The following TACR1 variants were observed in gnomAD, a reference collection of about 807,000 sequenced individuals.
TACR1 encodes substance-P receptor.
Under a neutral mutation model 35.8 loss-of-function variants are expected in TACR1, and 25 were observed. That is an observed-to-expected ratio of 0.70 (90% CI 0.51 to 0.98). The LOEUF is 0.98. Ranked by LOEUF, TACR1 falls within the 50% of genes least tolerant of loss-of-function variation. The pLI, the probability that TACR1 is intolerant of heterozygous loss-of-function variation, is 0.00. For missense variants in TACR1, 478 were observed against 522.9 expected (o/e 0.91, Z 0.84); for synonymous variants, 195 against 206.7 (o/e 0.94, Z 0.48).
At chr2:75,080,336 G>A (rs779962475) in intron 2 of TACR1, among the ~76,000 whole-genome samples, 8 of 152,114 alleles carry the variant, frequency 5.3e-5, no homozygotes, top group Non-Finnish European at 1.2e-4. Flanking sequence ...CAACACACAT[G>A]CACACACACA....
At chr2:75,170,407 A>G (rs1474170960) in intron 1 of TACR1, among the ~76,000 whole-genome samples, 1 of 152,218 alleles carries the variant, frequency 6.6e-6, no homozygotes, top group Non-Finnish European at 1.5e-5. Context: ...TTTCCTTTAT[A>G]AATTACCCAA....
In TACR1 at chr2:75,123,904, G is replaced by T. The variant is rs952941955; in HGVS notation, c.390-3136C>A. Among the ~76,000 whole-genome samples the T allele has an allele frequency of 2.6e-5, 4 of 152,154 alleles. No individual in the cohort carries two copies. The South Asian group carries it at 8.3e-4, about 32-fold the overall frequency. ...ACATTTATATATTTATCTGGAACCA[G>T]CCTGAGCAATTCTTGCTTATTTGGT... On this transcript the variant is annotated intron_variant, in intron 1 of 4. Coordinates refer to ENST00000305249, the MANE Select transcript of TACR1 (RefSeq NM_001058.4).
At chr2:75,065,309 T>C (rs1219474264) in intron 2 of TACR1, among the ~76,000 whole-genome samples, 2 of 152,250 alleles carry the variant, frequency 1.3e-5, no homozygotes, top group African/African-American at 4.8e-5. Flanking sequence ...TGGGGTGTTT[T>C]GTTTTAAACC....
At chr2:75,134,244 TC>T (rs1674235565) in intron 1 of TACR1, among the ~76,000 whole-genome samples, 1 of 152,214 alleles carries the variant, frequency 6.6e-6, no homozygotes, top group South Asian at 2.1e-4. Flanking sequence ...CTGAATTCTT[TC>T]TTGCACAAGA....
At chr2:75,103,679 C>T (rs1572932069) in intron 2 of TACR1, among the ~76,000 whole-genome samples, 1 of 152,062 alleles carries the variant, frequency 6.6e-6, no homozygotes, top group African/African-American at 2.4e-5. Context: ...TAGGAACATT[C>T]CTCTCCACTC....
At chr2:75,108,150 T>C (rs754082230) in intron 2 of TACR1, among the ~76,000 whole-genome samples, 6 of 152,076 alleles carry the variant, frequency 3.9e-5, no homozygotes, top group Non-Finnish European at 5.9e-5. Context: ...TCCAATGCTA[T>C]TTTGGAAAAC....
At chr2:75,076,452 CAT>C (rs1180156284) in intron 2 of TACR1, among the ~76,000 whole-genome samples, 1 of 152,132 alleles carries the variant, frequency 6.6e-6, no homozygotes, top group Non-Finnish European at 1.5e-5. Context: ...CTTGGAGCTA[CAT>C]GTTTGGTTTG....
chr2:75,135,417 A>G (rs2103937072), intron 1 of TACR1, among the ~76,000 whole-genome samples: 1 of 152,324 alleles, frequency 6.6e-6, no homozygotes, highest in East Asian at 1.9e-4. Context: ...TGTAACTTCC[A>G]GAGGCCATGT....
intron 2 of TACR1, among the ~76,000 whole-genome samples, chr2:75,069,918 C>A (rs1368637745): frequency 6.6e-6 from 1 of 152,034 alleles, no homozygotes; most frequent in East Asian, 1.9e-4. Context: ...TCTTTCTTTC[C>A]ATACTCTAAT....
rs553596457 is a variant in TACR1 at position 75,199,067 on chromosome 2, C to T, written c.-133G>A. 1 of 1,155,740 alleles carries T rather than the reference C, an allele frequency of 8.7e-7. No individual in the cohort carries two copies. The highest frequency in any genetic ancestry group is 1.2e-6 in the Non-Finnish European group (1 of 831,894). The allele number at this position is 1,155,740 out of a possible 1,614,324, so 71.6% of individuals were successfully genotyped here. ...GGTGGAAGGCTTTTTCTGGGCAGCA[C>T]TCTTTTTGAAAGCTGAACTGGCGCT... On this transcript the variant is annotated 5_prime_UTR_variant, in exon 1 of 5. The change creates a new upstream start codon in the 5' untranslated region. Transcript: ENST00000305249.
chr2:75,062,576 G>A (rs1469176958), intron 2 of TACR1, among the ~76,000 whole-genome samples: 1 of 152,152 alleles, frequency 6.6e-6, no homozygotes, highest in South Asian at 2.1e-4. Context: ...CGGGACATTT[G>A]AGTTATTTAC....
intron 2 of TACR1, among the ~76,000 whole-genome samples, chr2:75,074,731 A>G (rs1672947042): frequency 6.6e-6 from 1 of 151,952 alleles, no homozygotes. Context: ...CATAGTCTAT[A>G]GGCTGCCTTC....
chr2:75,074,190 C>A (rs758571439), intron 2 of TACR1, among the ~76,000 whole-genome samples: 2 of 152,130 alleles, frequency 1.3e-5, no homozygotes, highest in Non-Finnish European at 2.9e-5. Flanking sequence ...CTCCTGGATG[C>A]CAGCTCTACT....
chr2:75,101,991 C>A (rs1452865201), intron 2 of TACR1, among the ~76,000 whole-genome samples: 1 of 151,938 alleles, frequency 6.6e-6, no homozygotes, highest in East Asian at 1.9e-4. Context: ...TAAAGACATG[C>A]CATATGGGTT....
At chr2:75,142,678 G>A (rs1056987125) in intron 1 of TACR1, among the ~76,000 whole-genome samples, 8 of 152,160 alleles carry the variant, frequency 5.3e-5, no homozygotes, top group Admixed American at 5.2e-4. Flanking sequence ...GGGGAGTGCA[G>A]GTTACCAGAG....
At chr2:75,151,890 C>T (rs757364961) in intron 1 of TACR1, among the ~76,000 whole-genome samples, 3 of 152,224 alleles carry the variant, frequency 2.0e-5, no homozygotes, top group Admixed American at 6.5e-5. Context: ...TCTTGCATCA[C>T]TGTGACCTCG....
In TACR1 at chr2:75,199,215, A is replaced by G; in HGVS notation, c.-281T>C. 2.5e-6 allele frequency: 1 copy of G among 395,820 alleles called. No homozygotes were observed. Among genetic ancestry groups the G allele is most frequent in the Non-Finnish European group, 4.6e-6 (1 of 217,442 alleles). 24.5% of individuals were successfully genotyped at this position (395,820 alleles called of 1,614,324 possible). On this transcript the variant is annotated 5_prime_UTR_variant, in exon 1 of 5. Transcript: ENST00000305249. ...TGGAGACAGCATCTCTCTTGCGGTAAACTGAAAAAGGGAAAGAAATTCCAC... is the reference window on the plus strand; with the variant it reads ...TGGAGACAGCATCTCTCTTGCGGTAGACTGAAAAAGGGAAAGAAATTCCAC...
intron 2 of TACR1, among the ~76,000 whole-genome samples, chr2:75,057,036 C>G (rs1672581722): frequency 6.6e-6 from 1 of 152,216 alleles, no homozygotes; most frequent in Non-Finnish European, 1.5e-5. Context: ...GATGAATGGA[C>G]AAACAAAATG....
In TACR1 at chr2:75,154,488, C is replaced by CG. The variant is rs367627435; in HGVS notation, c.390-33721_390-33720insC. ...CCAGTGGAGATTCAGCACTAACCCA[C>CG]CACACACACACACACACACACACAC... On this transcript the variant is annotated intron_variant, in intron 1 of 4. Transcript: ENST00000305249. 5.0e-3 allele frequency: 268 copies of CG among 53,582 alleles called. 2 individuals are homozygous for CG. Among genetic ancestry groups the CG allele is most frequent in the East Asian group, 0.013 (27 of 2,034 alleles). The allele number at this position is 53,582 out of a possible 1,614,324, so 3.3% of individuals were successfully genotyped here.
Sources: gnomAD v4.1 joint callset for allele counts (sites outside exome capture counted in the v4.1 genomes callset) on GRCh38, gnomAD v4.1.1 for gene constraint, MANE v1.5 for transcripts, NCBI Gene and HGNC (gene_info 2026-07-23, HGNC 2026-07-21) for gene names.